MARCHF1: variants seen among roughly 807,000 people sequenced by gnomAD.
The protein encoded by MARCHF1 is E3 ubiquitin-protein ligase MARCHF1.
MARCHF1 carries 40 observed loss-of-function variants against 54.2 expected under a neutral mutation model. The ratio of observed to expected loss-of-function variants is 0.74; its 90% CI spans 0.57 to 0.96. The LOEUF (loss-of-function observed/expected upper bound fraction) is 0.96, where lower values mean the gene tolerates loss of function less well. MARCHF1 is among the 40% of genes least tolerant of loss of function. The probability of loss-of-function intolerance (pLI) is 0.00; values close to 1 mark genes in which losing one functional copy is unlikely to be tolerated. For missense variants in MARCHF1, 586 were observed against 656.5 expected (o/e 0.89, Z 1.17); for synonymous variants, 236 against 236.3 (o/e 1.00, Z 0.01).
intron 1 of MARCHF1, among the ~76,000 whole-genome samples, chr4:164,248,206 G>A (rs1185727224): frequency 1.3e-5 from 2 of 151,962 alleles, no homozygotes; most frequent in African/African-American, 4.8e-5. Flanking sequence ...GTTATTTAGT[G>A]ACCAATATTC....
chr4:163,789,344 T>C (rs1285287034), intron 4 of MARCHF1, among the ~76,000 whole-genome samples: 3 of 151,748 alleles, frequency 2.0e-5, no homozygotes, highest in Admixed American at 6.6e-5. Flanking sequence ...CTGGGGCCTT[T>C]AGGAGGGTGG....
At chr4:164,290,175 G>A (rs1278879918) in intron 1 of MARCHF1, among the ~76,000 whole-genome samples, 1 of 151,868 alleles carries the variant, frequency 6.6e-6, no homozygotes, top group Non-Finnish European at 1.5e-5. Flanking sequence ...TCCAGTCAGA[G>A]GCTGTATCTT....
At chr4:164,118,507 A>T (rs1451906748) in intron 1 of MARCHF1, among the ~76,000 whole-genome samples, 1 of 151,092 alleles carries the variant, frequency 6.6e-6, no homozygotes, top group Non-Finnish European at 1.5e-5. Flanking sequence ...CAAGGAGAAA[A>T]TCTAATATAG....
chr4:164,336,480 A>C (rs998674978), intron 1 of MARCHF1, among the ~76,000 whole-genome samples: 15 of 152,328 alleles, frequency 9.8e-5, no homozygotes, highest in African/African-American at 3.6e-4. Context: ...TTTATAATAC[A>C]TTGCAAAAGT....
intron 3 of MARCHF1, among the ~76,000 whole-genome samples, chr4:163,987,093 C>T (rs1397421148): frequency 2.0e-5 from 3 of 151,996 alleles, no homozygotes; most frequent in African/African-American, 7.2e-5. Flanking sequence ...ATCAGTGTAC[C>T]CCACCTTCCC....
chr4:163,937,768 C>A (rs1318075992), intron 3 of MARCHF1, among the ~76,000 whole-genome samples: 1 of 152,120 alleles, frequency 6.6e-6, no homozygotes, highest in African/African-American at 2.4e-5. Context: ...TTATAATTCA[C>A]TAAAAGCATT....
chr4:163,579,914 A>C (rs1032009766), intron 8 of MARCHF1, among the ~76,000 whole-genome samples: 10 of 152,150 alleles, frequency 6.6e-5, no homozygotes, highest in African/African-American at 2.2e-4. Flanking sequence ...AAGTACTTTA[A>C]GTAAAATTGA....
chr4:163,614,172 G>GTAGCT (rs1741440114), intron 5 of MARCHF1, among the ~76,000 whole-genome samples: 1 of 152,118 alleles, frequency 6.6e-6, no homozygotes, highest in African/African-American at 2.4e-5. Flanking sequence ...GCATTGTGCT[G>GTAGCT]TAGCTTTATT....
Position 163,737,522 on chromosome 4 carries a change from C to A in MARCHF1, c.112-36659G>T, listed in dbSNP as rs536378745. ...GAGAATGATGGTTTCCAATTTCATC[C>A]ATGTCCCTACAAAGGACATGAACTC... On this transcript the variant is annotated intron_variant, in intron 4 of 9. Coordinates refer to ENST00000514618, the MANE Select transcript of MARCHF1 (RefSeq NM_001394959.1). 2.2e-3 allele frequency among the ~76,000 whole-genome samples: 230 copies of A among 103,544 alleles called. 46 individuals are homozygous for A. Among genetic ancestry groups the A allele is most frequent in the Non-Finnish European group, 4.1e-3 (172 of 41,554 alleles). 67.9% of individuals were successfully genotyped at this position (103,544 alleles called of 152,430 possible).
intron 9 of MARCHF1, among the ~76,000 whole-genome samples, chr4:163,533,562 T>C (rs866966117): frequency 5.3e-5 from 8 of 151,772 alleles, no homozygotes; most frequent in African/African-American, 1.9e-4. Flanking sequence ...TGAGGCAAGA[T>C]GTTAATAACA....
At chr4:164,228,669 C>G (rs1224986646) in intron 1 of MARCHF1, among the ~76,000 whole-genome samples, 1 of 152,090 alleles carries the variant, frequency 6.6e-6, no homozygotes, top group Non-Finnish European at 1.5e-5. Context: ...TTTATTTACC[C>G]TCAAATATTA....
At chr4:163,944,376 C>T (rs1019409048) in intron 3 of MARCHF1, among the ~76,000 whole-genome samples, 16 of 152,122 alleles carry the variant, frequency 1.1e-4, no homozygotes, top group Non-Finnish European at 2.2e-4. Flanking sequence ...AGATTTGATT[C>T]AGCTGCAGAA....
At chr4:163,838,840 T>G (rs1213389053) in intron 4 of MARCHF1, among the ~76,000 whole-genome samples, 1 of 152,066 alleles carries the variant, frequency 6.6e-6, no homozygotes, top group Non-Finnish European at 1.5e-5. Flanking sequence ...GATCTTTGGT[T>G]AGGTTATTAT....
chr4:164,153,266 C>A (rs1337034746), intron 1 of MARCHF1, among the ~76,000 whole-genome samples: 1 of 152,102 alleles, frequency 6.6e-6, no homozygotes, highest in African/African-American at 2.4e-5. Flanking sequence ...TTTTACAATT[C>A]TGTTAATTTT....
chr4:164,102,720 A>C (rs1409160866), intron 2 of MARCHF1, among the ~76,000 whole-genome samples: 1 of 151,926 alleles, frequency 6.6e-6, no homozygotes, highest in Non-Finnish European at 1.5e-5. Flanking sequence ...TGAGCAAAAT[A>C]ACCAGCTAAC....
At chr4:163,679,924 A>C (rs1744047412) in intron 5 of MARCHF1, among the ~76,000 whole-genome samples, 1 of 147,984 alleles carries the variant, frequency 6.8e-6, no homozygotes, top group Non-Finnish European at 1.5e-5. Flanking sequence ...TTAAACTTCC[A>C]TGTTTTACTT....
In MARCHF1 at chr4:164,136,272, GA is replaced by G. The variant is rs5863663; in HGVS notation, c.-322-24611del. Among the ~76,000 whole-genome samples, 85 of 121,504 alleles carry G rather than the reference GA, an allele frequency of 7.0e-4. 1 individual carries two copies. The highest frequency in any genetic ancestry group is 4.6e-3 in the Middle Eastern group (1 of 216). The allele number at this position is 121,504 out of a possible 152,430, so 79.7% of individuals were successfully genotyped here. Reference sequence around the variant, plus strand: ...TAAGTTCCAGCAAACAGTTGAAGTGGAAAAAAAAAAAAAAAAAGCCAAGAAT... The same window carrying G: ...TAAGTTCCAGCAAACAGTTGAAGTGGAAAAAAAAAAAAAAAAGCCAAGAAT... On this transcript the variant is annotated intron_variant, in intron 1 of 9. Transcript: ENST00000514618.
chr4:164,028,842 T>G (rs1056491879), intron 2 of MARCHF1, among the ~76,000 whole-genome samples: 1 of 152,094 alleles, frequency 6.6e-6, no homozygotes, highest in East Asian at 1.9e-4. Context: ...ATGAATGGAG[T>G]GTTTCTATTG....
intron 3 of MARCHF1, among the ~76,000 whole-genome samples, chr4:163,942,819 T>G (rs1485241953): frequency 6.6e-6 from 1 of 152,238 alleles, no homozygotes; most frequent in African/African-American, 2.4e-5. Flanking sequence ...AACCATTTCC[T>G]CTCAACCTTA....
Sources: allele counts gnomAD v4.1 joint callset (sites outside exome capture counted in the v4.1 genomes callset), GRCh38; gene constraint gnomAD v4.1.1; transcripts MANE v1.5; gene names NCBI Gene and HGNC (gene_info 2026-07-23, HGNC 2026-07-21).